The following EPYC variants were observed in gnomAD, a reference collection of about 807,000 sequenced individuals.
The protein encoded by EPYC is dermatan sulfate proteoglycan 3.
In EPYC, 28 loss-of-function variants were observed where a neutral mutation model predicts 30.1. The ratio of observed to expected loss-of-function variants is 0.93; its 90% CI spans 0.69 to 1.28. EPYC has a LOEUF of 1.28. EPYC is among the 50% of genes most tolerant of loss of function. The pLI is 0.00. For synonymous variants in EPYC, 144 were observed against 141.4 expected, an observed-to-expected ratio of 1.02 and a Z score of -0.13; for missense variants, 382 against 383.5, an observed-to-expected ratio of 1.00 and a Z score of 0.03.
At chr12:90,986,528 G>T (rs1391073205) in intron 2 of EPYC, among the ~76,000 whole-genome samples, 3 of 152,112 alleles carry the variant, frequency 2.0e-5, no homozygotes, top group African/African-American at 7.2e-5. Context: ...TAGGAAGCAG[G>T]ATAGTTGTCC....
At chr12:90,969,646 C>A (rs1882146) in intron 6 of EPYC, among the ~76,000 whole-genome samples, 3 of 151,750 alleles carry the variant, frequency 2.0e-5, no homozygotes, top group Non-Finnish European at 4.4e-5. Flanking sequence ...CAGGCTGAAA[C>A]TGATGTTTTT....
intron 2 of EPYC, among the ~76,000 whole-genome samples, chr12:90,984,975 G>A (rs1365684455): frequency 6.6e-6 from 1 of 152,110 alleles, no homozygotes; most frequent in East Asian, 1.9e-4. Flanking sequence ...CGGGGTCTAG[G>A]GCAAACCTTC....
chr12:90,968,566 G>C (rs1876957292), intron 6 of EPYC, among the ~76,000 whole-genome samples: 1 of 152,130 alleles, frequency 6.6e-6, no homozygotes, highest in South Asian at 2.1e-4. Flanking sequence ...TATATATATT[G>C]GATGTTGTGA....
intron 2 of EPYC, among the ~76,000 whole-genome samples, chr12:90,983,734 T>G (rs996576396): frequency 1.3e-5 from 2 of 152,066 alleles, no homozygotes; most frequent in Admixed American, 6.6e-5. Flanking sequence ...CTCCCACATC[T>G]CTTCTCTGAG....
intron 6 of EPYC, 117 bp downstream of exon 6, chr12:90,969,927 A>G (rs1876994285): frequency 1.4e-6 from 1 of 719,848 alleles, no homozygotes; most frequent in African/African-American, 1.8e-5. Context: ...GAGAAAAAGA[A>G]GAAAAGTTAT....
At chr12:90,986,621 A>C (rs893948143) in intron 2 of EPYC, among the ~76,000 whole-genome samples, 1 of 152,134 alleles carries the variant, frequency 6.6e-6, no homozygotes, top group Non-Finnish European at 1.5e-5. Context: ...CTGTTGGAAG[A>C]TGAGAGAGCA....
chr12:91,002,118 A>G (rs1235865445), intron 2 of EPYC, among the ~76,000 whole-genome samples: 3 of 134,118 alleles, frequency 2.2e-5, no homozygotes, highest in Non-Finnish European at 4.6e-5. Context: ...TGAACCCAGG[A>G]GGCGGAGGTT....
rs183795619 is a variant in EPYC at position 90,991,715 on chromosome 12, A to G, written c.165+10686T>C. ...TATAGATGAGGAAAGCCAAACACCAAACCTGGGTCTCATCCACAAATCATT... is the reference window on the plus strand; with the variant it reads ...TATAGATGAGGAAAGCCAAACACCAGACCTGGGTCTCATCCACAAATCATT... On this transcript the variant is annotated intron_variant, in intron 2 of 6. Coordinates refer to ENST00000261172, the MANE Select transcript of EPYC (RefSeq NM_004950.5). Among the ~76,000 whole-genome samples, 135 of 152,288 alleles carry G rather than the reference A, an allele frequency of 8.9e-4. 1 individual carries two copies. The highest frequency in any genetic ancestry group is 3.2e-3 in the African/African-American group (132 of 41,574).
At chr12:90,975,049 G>A (rs939304356) in intron 3 of EPYC, among the ~76,000 whole-genome samples, 3 of 152,036 alleles carry the variant, frequency 2.0e-5, no homozygotes, top group Non-Finnish European at 2.9e-5. Context: ...TTTGTGGTTT[G>A]TAATCAAGAA....
intron 2 of EPYC, among the ~76,000 whole-genome samples, chr12:90,985,281 T>C (rs756462262): frequency 7.9e-5 from 12 of 152,148 alleles, no homozygotes; most frequent in Non-Finnish European, 1.5e-4. Flanking sequence ...AAGAAAATCC[T>C]TCTGCCTTCC....
intron 2 of EPYC, 59 bp from the exon 3 acceptor site, chr12:90,978,321 G>T (rs1351254248): frequency 2.7e-6 from 4 of 1,501,630 alleles, no homozygotes; most frequent in South Asian, 1.3e-5. Flanking sequence ...ACTCTGTGTG[G>T]CAGTGACACA....
At chr12:90,986,310 G>C (rs1338396398) in intron 2 of EPYC, among the ~76,000 whole-genome samples, 6 of 152,056 alleles carry the variant, frequency 3.9e-5, no homozygotes, top group African/African-American at 1.4e-4. Flanking sequence ...AAGGATTACA[G>C]GATATTGTTA....
chr12:90,995,619 G>C (rs1040996166), intron 2 of EPYC, among the ~76,000 whole-genome samples: 1 of 151,676 alleles, frequency 6.6e-6, no homozygotes, highest in Admixed American at 6.6e-5. Context: ...CTTATTTCCA[G>C]GGTTAGTTAT....
intron 2 of EPYC, among the ~76,000 whole-genome samples, chr12:90,984,013 T>C (rs1332051984): frequency 1.3e-5 from 2 of 152,040 alleles, no homozygotes; most frequent in Non-Finnish European, 2.9e-5. Flanking sequence ...TTCCTATTCA[T>C]ATGATGAGAA....
At chr12:90,977,777 A>G (rs1833438479) in intron 3 of EPYC, among the ~76,000 whole-genome samples, 1 of 152,104 alleles carries the variant, frequency 6.6e-6, no homozygotes, top group African/African-American at 2.4e-5. Flanking sequence ...CTCAGAGGCA[A>G]AGATTTTATC....
At chr12:90,967,496 A>G (rs924620626) in intron 6 of EPYC, among the ~76,000 whole-genome samples, 4 of 152,156 alleles carry the variant, frequency 2.6e-5, no homozygotes, top group Non-Finnish European at 5.9e-5. Flanking sequence ...CAATTTACTA[A>G]TACTTGTTTT....
intron 2 of EPYC, among the ~76,000 whole-genome samples, chr12:90,981,015 A>G (rs1877313256): frequency 6.6e-6 from 1 of 152,094 alleles, no homozygotes. Flanking sequence ...TAAGTTATCT[A>G]TTTTTATTCT....
At chr12:90,979,949 G>C (rs1464879696) in intron 2 of EPYC, among the ~76,000 whole-genome samples, 1 of 152,118 alleles carries the variant, frequency 6.6e-6, no homozygotes, top group East Asian at 1.9e-4. Context: ...AGATTATACT[G>C]TCTTTGATAC....
intron 6 of EPYC, among the ~76,000 whole-genome samples, chr12:90,964,921 A>C (rs536760093): frequency 3.0e-4 from 45 of 152,274 alleles, no homozygotes; most frequent in African/African-American, 1.1e-3. Flanking sequence ...TCACCCACTT[A>C]AATGGTACAG....
Sources: allele counts gnomAD v4.1 joint callset (sites outside exome capture counted in the v4.1 genomes callset), GRCh38; gene constraint gnomAD v4.1.1; transcripts MANE v1.5; gene names NCBI Gene and HGNC (gene_info 2026-07-23, HGNC 2026-07-21).